GPD2: variants seen among roughly 807,000 people sequenced by gnomAD.
The protein encoded by GPD2 is glycerol-3-phosphate dehydrogenase, mitochondrial.
Under a neutral mutation model 82.4 loss-of-function variants are expected in GPD2, and 54 were observed. The observed-to-expected ratio is 0.66, with a 90% CI of 0.53 to 0.82. The LOEUF (loss-of-function observed/expected upper bound fraction) is 0.82, where lower values mean the gene tolerates loss of function less well. GPD2 is among the 40% of genes least tolerant of loss of function. GPD2 has a pLI of 0.00. For synonymous variants in GPD2, 288 were observed against 306.1 expected (o/e 0.94, Z 0.62); for missense variants, 748 against 896.2 (o/e 0.83, Z 2.11).
chr2:156,517,280 A>G (rs976930811), intron 6 of GPD2, among the ~76,000 whole-genome samples: 1 of 152,162 alleles, frequency 6.6e-6, no homozygotes, highest in African/African-American at 2.4e-5. Context: ...TGATGTAGTA[A>G]TTATAGTTAC....
At chr2:156,480,233 G>T (rs1683674067) in intron 2 of GPD2, among the ~76,000 whole-genome samples, 1 of 152,078 alleles carries the variant, frequency 6.6e-6, no homozygotes, top group Non-Finnish European at 1.5e-5. Flanking sequence ...GATACTTTTA[G>T]AACAAGTAAA....
the GPD2 span, among the ~76,000 whole-genome samples, chr2:156,427,291 T>A: frequency 6.6e-6 from 1 of 152,226 alleles, no homozygotes; most frequent in Non-Finnish European, 1.5e-5. Context: ...GGTATAGCCA[T>A]CTGTCTGCCT....
chr2:156,528,404 T>G (rs1023687373), intron 6 of GPD2, among the ~76,000 whole-genome samples: 1 of 151,378 alleles, frequency 6.6e-6, no homozygotes, highest in Admixed American at 6.6e-5. Context: ...TTATGTCAAT[T>G]TTTTTCTTTT....
chr2:156,479,097 A>G (rs1683627906), intron 2 of GPD2, among the ~76,000 whole-genome samples: 1 of 152,244 alleles, frequency 6.6e-6, no homozygotes, highest in South Asian at 2.1e-4. Context: ...GTACATTGTT[A>G]AAACATTTTT....
At chr2:156,434,479 CTA>C (rs1160525064), upstream of GPD2, among the ~76,000 whole-genome samples, 2 of 152,094 alleles carry the variant, frequency 1.3e-5, no homozygotes, top group African/African-American at 4.8e-5. Flanking sequence ...AAAAAACAAA[CTA>C]TTAATTGTCT....
chr2:156,403,563 G>A, the GPD2 span, among the ~76,000 whole-genome samples: 1 of 151,982 alleles, frequency 6.6e-6, no homozygotes. Context: ...TATTGTTTAA[G>A]TACGTTTGAG....
intron 1 of GPD2, among the ~76,000 whole-genome samples, chr2:156,460,568 G>C (rs754088076): frequency 6.6e-6 from 1 of 152,142 alleles, no homozygotes; most frequent in Non-Finnish European, 1.5e-5. Context: ...GAAATGTTCT[G>C]GGTGCGTCAG....
rs534230533 is a variant in GPD2, at chr2:156,497,703, G to A, written c.274+1488G>A. Among the ~76,000 whole-genome samples, 5 of 152,192 alleles carry A rather than the reference G, an allele frequency of 3.3e-5. 2 individuals carry two copies. The highest frequency in any genetic ancestry group is 1.2e-4 in the African/African-American group (5 of 41,536). ...ACTGATTTCACAGGATCCACACTCA[G>A]GTTTTGGTCCATGCAGACCTCACAG... is the stretch of plus-strand genomic sequence containing the variant. On this transcript the variant is annotated intron_variant, in intron 3 of 16. Transcript: ENST00000438166.
chr2:156,533,321 C>T (rs966493717), intron 6 of GPD2, among the ~76,000 whole-genome samples: 7 of 152,194 alleles, frequency 4.6e-5, no homozygotes, highest in Non-Finnish European at 8.8e-5. Context: ...TCCATCAACT[C>T]ATGAGCTATG....
At chr2:156,437,542 C>T (rs571025506) in intron 1 of GPD2, among the ~76,000 whole-genome samples, 1 of 152,252 alleles carries the variant, frequency 6.6e-6, no homozygotes, top group East Asian at 1.9e-4. Flanking sequence ...CTCTGTTTCT[C>T]ACAGGGGCGT....
intron 2 of GPD2, among the ~76,000 whole-genome samples, chr2:156,487,075 G>A (rs1367621190): frequency 2.0e-5 from 3 of 152,182 alleles, no homozygotes; most frequent in African/African-American, 7.2e-5. Context: ...GGATGCCAAG[G>A]CGGGCAGATC....
At chr2:156,489,610 T>C (rs1183536339) in intron 2 of GPD2, among the ~76,000 whole-genome samples, 1 of 152,210 alleles carries the variant, frequency 6.6e-6, no homozygotes. Context: ...CACAAAATAC[T>C]GATTGGATGA....
At chr2:156,536,791 C>T (rs1465012689) in intron 6 of GPD2, among the ~76,000 whole-genome samples, 17 of 152,212 alleles carry the variant, frequency 1.1e-4, no homozygotes, top group Admixed American at 1.1e-3. Context: ...AGCCATCCCA[C>T]TCCTCATCAG....
chr2:156,568,911 C>T lies in GPD2; in HGVS notation c.1252C>T (p.Arg418Ter), dbSNP rs752134592. The change falls in exon 10 of 17, where the codon CGA becomes TGA. Residue 418 changes from arginine (R) to a stop codon, truncating the protein, a stop_gained. Coordinates refer to ENST00000438166, the MANE Select transcript of GPD2 (RefSeq NM_000408.5). LOFTEE classifies it high-confidence loss of function. ...PKSADTQSIS[R>*]NHVVDISESG... ...ATCTGCAGATACTCAGTCTATCTCC[C>T]GAAATCATGTTGTTGATATCAGTGA... The T allele has an allele frequency of 2.3e-5, 37 of 1,611,058 alleles. No individual in the cohort carries two copies. The highest frequency in any genetic ancestry group is 4.0e-5 in the African/African-American group (3 of 74,774).
intron 3 of GPD2, among the ~76,000 whole-genome samples, chr2:156,508,052 T>A (rs963978506): frequency 6.6e-6 from 1 of 152,078 alleles, no homozygotes; most frequent in African/African-American, 2.4e-5. Context: ...ACACAGGGAA[T>A]TGTGTCACTA....
upstream of GPD2, among the ~76,000 whole-genome samples, chr2:156,433,294 G>A (rs991779627): frequency 6.6e-6 from 1 of 152,150 alleles, no homozygotes; most frequent in Admixed American, 6.5e-5. Flanking sequence ...TAGAAACTAT[G>A]GTTAAGGAGT....
the GPD2 span, among the ~76,000 whole-genome samples, chr2:156,423,837 A>C: frequency 6.6e-6 from 1 of 152,180 alleles, no homozygotes. Context: ...GCCGATCTCC[A>C]CTGCCCTTTA....
chr2:156,490,310 G>A (rs1684127265), intron 2 of GPD2, among the ~76,000 whole-genome samples: 1 of 151,142 alleles, frequency 6.6e-6, no homozygotes, highest in Admixed American at 6.6e-5. Flanking sequence ...TATAAGTAGG[G>A]CCTTAGGCTG....
chr2:156,415,796 G>A, the GPD2 span, among the ~76,000 whole-genome samples: 1 of 151,872 alleles, frequency 6.6e-6, no homozygotes, highest in Non-Finnish European at 1.5e-5. Flanking sequence ...TGGAAGTTGC[G>A]GTGAGCCAAG....
Sources: gnomAD v4.1 joint callset for allele counts (sites outside exome capture counted in the v4.1 genomes callset) on GRCh38, gnomAD v4.1.1 for gene constraint, MANE v1.5 for transcripts, NCBI Gene and HGNC (gene_info 2026-07-23, HGNC 2026-07-21) for gene names.